GRXCR1: variants seen among roughly 807,000 people sequenced by gnomAD.
GRXCR1 encodes glutaredoxin and cysteine rich domain containing 1, also known as glutaredoxin domain-containing cysteine-rich protein 1.
Under a neutral mutation model 27.3 loss-of-function variants are expected in GRXCR1, and 27 were observed. The ratio of observed to expected loss-of-function variants is 0.99; its 90% CI spans 0.73 to 1.37. The LOEUF is 1.37. Ranked by LOEUF, GRXCR1 falls within the 40% of genes most tolerant of loss-of-function variation. The probability of loss-of-function intolerance (pLI) is 0.00; values close to 1 mark genes in which losing one functional copy is unlikely to be tolerated. For missense variants in GRXCR1, 379 were observed against 354.4 expected (o/e 1.07, Z -0.56); for synonymous variants, 122 against 131.1 (o/e 0.93, Z 0.47).
intron 1 of GRXCR1, among the ~76,000 whole-genome samples, chr4:42,913,179 C>T (rs991118957): frequency 2.6e-5 from 4 of 152,126 alleles, no homozygotes; most frequent in Non-Finnish European, 5.9e-5. Flanking sequence ...AGGAGTGGGG[C>T]ACTGCTGTAA....
At chr4:42,894,221 A>G (rs1415653266) in intron 1 of GRXCR1, among the ~76,000 whole-genome samples, 1 of 152,134 alleles carries the variant, frequency 6.6e-6, no homozygotes, top group African/African-American at 2.4e-5. Flanking sequence ...ATGCTTGAAA[A>G]AATTACTCCT....
At chr4:42,913,929 GTGGCTTACATGTTGTGT>G (rs1235685759) in intron 1 of GRXCR1, among the ~76,000 whole-genome samples, 1 of 152,216 alleles carries the variant, frequency 6.6e-6, no homozygotes, top group Non-Finnish European at 1.5e-5. Context: ...CCAAGCCTTG[GTGGCTTACATGTTGTGT>G]TGGGCCTGCA....
chr4:42,919,168 G>A (rs1277172010), intron 1 of GRXCR1, among the ~76,000 whole-genome samples: 1 of 152,064 alleles, frequency 6.6e-6, no homozygotes, highest in Non-Finnish European at 1.5e-5. Context: ...GGCAAAACGG[G>A]GCCTATAGTT....
chr4:43,025,508 C>G (rs1238216865), intron 3 of GRXCR1, among the ~76,000 whole-genome samples: 1 of 152,192 alleles, frequency 6.6e-6, no homozygotes, highest in Non-Finnish European at 1.5e-5. Context: ...ATTTCTCATT[C>G]TTTTTCTCTT....
intron 2 of GRXCR1, among the ~76,000 whole-genome samples, chr4:42,973,854 A>C (rs1432830249): frequency 1.3e-5 from 2 of 152,190 alleles, no homozygotes; most frequent in Admixed American, 1.3e-4. Context: ...GAGATGAAGC[A>C]TAAAAACTCA....
chr4:43,005,375 G>A (rs1038271884), intron 2 of GRXCR1, among the ~76,000 whole-genome samples: 2 of 152,122 alleles, frequency 1.3e-5, no homozygotes, highest in Non-Finnish European at 2.9e-5. Flanking sequence ...ACATTTTTTA[G>A]TTGCAAATTA....
At chr4:42,948,256 G>T (rs1360830994) in intron 1 of GRXCR1, among the ~76,000 whole-genome samples, 16 of 146,980 alleles carry the variant, frequency 1.1e-4, no homozygotes, top group Non-Finnish European at 3.0e-5. Context: ...TTTAATACCT[G>T]AAAGGAAAGC....
At position 43,024,287 on chromosome 4, in the gene GRXCR1, C is replaced by T. The variant is rs935528608; in HGVS notation, c.693+3868C>T. Among the ~76,000 whole-genome samples the T allele has an allele frequency of 3.4e-4, 45 of 133,896 alleles. 2 individuals are homozygous for T. Among genetic ancestry groups the T allele is most frequent in the South Asian group, 7.0e-4 (3 of 4,314 alleles). The allele number at this position is 133,896 out of a possible 152,430, so 87.8% of individuals were successfully genotyped here. ...TAACCACTTATTTGTTCATGAAGAA[C>T]CGAGCAAAGATTCCCGGCTACACAC... On this transcript the variant is annotated intron_variant, in intron 3 of 3. Transcript: ENST00000399770.
chr4:43,022,259 C>T (rs1484985431), intron 3 of GRXCR1, among the ~76,000 whole-genome samples: 1 of 152,130 alleles, frequency 6.6e-6, no homozygotes, highest in African/African-American at 2.4e-5. Flanking sequence ...GGTTTAAGAG[C>T]ATCTTTTAGG....
At chr4:42,986,468 G>A (rs530832147) in intron 2 of GRXCR1, among the ~76,000 whole-genome samples, 9 of 152,116 alleles carry the variant, frequency 5.9e-5, no homozygotes, top group African/African-American at 1.9e-4. Flanking sequence ...TGAAGTACTG[G>A]GGAGGCTGGA....
intron 1 of GRXCR1, among the ~76,000 whole-genome samples, chr4:42,930,942 C>T (rs1747291123): frequency 6.6e-6 from 1 of 151,932 alleles, no homozygotes; most frequent in Admixed American, 6.6e-5. Flanking sequence ...CAGGTGCAAA[C>T]TCTAAAGCAA....
intron 1 of GRXCR1, among the ~76,000 whole-genome samples, chr4:42,962,148 A>T (rs190430647): frequency 1.3e-5 from 2 of 152,064 alleles, no homozygotes; most frequent in Admixed American, 1.3e-4. Flanking sequence ...GTAGAAAAAG[A>T]TTCTCACACA....
At position 42,945,175 on chromosome 4, in the gene GRXCR1, C is replaced by A. The variant is rs183389880; in HGVS notation, c.385-17717C>A. Among the ~76,000 whole-genome samples, 375 of 152,296 alleles carry A rather than the reference C, an allele frequency of 2.5e-3. 1 individual carries two copies. The highest frequency in any genetic ancestry group is 8.7e-3 in the African/African-American group (360 of 41,586). ...AGGCCCTCAGCAGACACAGAATCTA[C>A]TAATGTCTTGCTTTTGGGCTTCCCA... On this transcript the variant is annotated intron_variant, in intron 1 of 3. Transcript: ENST00000399770.
chr4:43,011,239 C>T (rs528796286), intron 2 of GRXCR1, among the ~76,000 whole-genome samples: 1 of 152,278 alleles, frequency 6.6e-6, no homozygotes, highest in Non-Finnish European at 1.5e-5. Flanking sequence ...CTTCCAGGTC[C>T]GTTTTCTCCT....
rs993945611 is a variant in GRXCR1 at position 42,981,229 on chromosome 4, G to A, written c.627+18095G>A. On this transcript the variant is annotated intron_variant, in intron 2 of 3. Transcript: ENST00000399770. ...TTATGTCTCTACTATGCTATGCTTT[G>A]TAGTTATCATGAGACTTATAAAAAA... 7.0e-5 allele frequency among the ~76,000 whole-genome samples: 10 copies of A among 142,136 alleles called. No homozygotes were observed. In the East Asian group the frequency reaches 2.0e-3, roughly 29 times the overall value. The allele number at this position is 142,136 out of a possible 152,430, so 93.2% of individuals were successfully genotyped here.
chr4:42,997,889 C>T (rs1411192114), intron 2 of GRXCR1, among the ~76,000 whole-genome samples: 1 of 152,206 alleles, frequency 6.6e-6, no homozygotes, highest in Non-Finnish European at 1.5e-5. Context: ...TGCCTCCTCC[C>T]TCCTCTCGGG....
chr4:43,002,223 G>A (rs1414934278), intron 2 of GRXCR1, among the ~76,000 whole-genome samples: 1 of 152,298 alleles, frequency 6.6e-6, no homozygotes, highest in Non-Finnish European at 1.5e-5. Flanking sequence ...TGGGTGTCGG[G>A]CTGGGGGACA....
At chr4:42,912,677 T>G (rs1422650484) in intron 1 of GRXCR1, among the ~76,000 whole-genome samples, 2 of 152,186 alleles carry the variant, frequency 1.3e-5, no homozygotes, top group African/African-American at 4.8e-5. Context: ...TTGCCCTTAT[T>G]ATCTTATAAA....
At chr4:42,948,746 A>G (rs1246795960) in intron 1 of GRXCR1, among the ~76,000 whole-genome samples, 1 of 152,094 alleles carries the variant, frequency 6.6e-6, no homozygotes, top group African/African-American at 2.4e-5. Context: ...TACTGGATGG[A>G]CCCAGTGTAA....
Sources: allele counts gnomAD v4.1 joint callset (sites outside exome capture counted in the v4.1 genomes callset), GRCh38; gene constraint gnomAD v4.1.1; transcripts MANE v1.5; gene names NCBI Gene and HGNC (gene_info 2026-07-23, HGNC 2026-07-21).